Variants in CDH13 observed in about 807,000 individuals in gnomAD.
CDH13 encodes cadherin-13.
Under a neutral mutation model 63.8 loss-of-function variants are expected in CDH13, and 24 were observed. That is an observed-to-expected ratio of 0.38 (90% CI 0.27 to 0.53). The LOEUF (loss-of-function observed/expected upper bound fraction) is 0.53. CDH13 is among the 20% of genes least tolerant of loss of function. The pLI, the probability that CDH13 is intolerant of heterozygous loss-of-function variation, is 0.85. For synonymous variants in CDH13, 503 were observed against 355.3 expected, an observed-to-expected ratio of 1.42 and a Z score of -4.67; for missense variants, 1,049 against 903.1, an observed-to-expected ratio of 1.16 and a Z score of -2.07.
chr16:83,739,325 T>A (rs1345973124), intron 10 of CDH13, among the ~76,000 whole-genome samples: 1 of 151,128 alleles, frequency 6.6e-6, no homozygotes, highest in African/African-American at 2.4e-5. Flanking sequence ...ACATATGTTG[T>A]CACAACTTGC....
At position 83,258,097 on chromosome 16, in the gene CDH13, C is replaced by G. The variant is rs554734628; in HGVS notation, c.636+40600C>G. ...ATAAATTAAACTGAGTCTTTATAAG[C>G]AAGTATAAATTAGTGGTTATTTGGG... On this transcript the variant is annotated intron_variant, in intron 5 of 13. Coordinates refer to ENST00000567109, the MANE Select transcript of CDH13 (RefSeq NM_001257.5). Among the ~76,000 whole-genome samples, 4 of 152,266 alleles carry G rather than the reference C, an allele frequency of 2.6e-5. No individual in the cohort carries two copies. In the East Asian group the frequency reaches 7.7e-4, roughly 29 times the overall value.
intron 3 of CDH13, among the ~76,000 whole-genome samples, chr16:83,089,374 T>C (rs889706347): frequency 1.5e-4 from 23 of 152,350 alleles, no homozygotes; most frequent in African/African-American, 5.0e-4. Context: ...ATGCACCTAT[T>C]GTGTGGCAGG....
rs989093886 is a variant in CDH13, at chr16:83,298,361, A to G, written c.637-46501A>G. ...ATTTTTCTTAGAATGAAACCAAGCC[A>G]GCAAGAATAATAACTTTTGAAAGCA... On this transcript the variant is annotated intron_variant, in intron 5 of 13. Coordinates refer to ENST00000567109, the MANE Select transcript of CDH13 (RefSeq NM_001257.5). Among the ~76,000 whole-genome samples the G allele has an allele frequency of 4.6e-5, 7 of 152,228 alleles. No homozygotes were observed. In the East Asian group the frequency reaches 1.3e-3, roughly 29 times the overall value.
chr16:82,702,096 C>T (rs1017421367), intron 1 of CDH13, among the ~76,000 whole-genome samples: 4 of 152,186 alleles, frequency 2.6e-5, no homozygotes, highest in African/African-American at 9.7e-5. Flanking sequence ...TGCGAAGAAC[C>T]AGAGTCCCCT....
Position 83,701,233 on chromosome 16 carries a change from T to A in CDH13, c.1538+22772T>A, listed in dbSNP as rs563351796. Among the ~76,000 whole-genome samples the A allele has an allele frequency of 3.9e-5, 6 of 152,284 alleles. No homozygotes were observed. In the East Asian group the frequency reaches 1.2e-3, roughly 29 times the overall value. ...ATAAAACTCTCAGTCCCTGAAAAGA[T>A]GAGAGACTCAGTGTCAGGATGTTTA... On this transcript the variant is annotated intron_variant, in intron 10 of 13. Coordinates refer to ENST00000567109, the MANE Select transcript of CDH13 (RefSeq NM_001257.5).
chr16:83,255,705 C>G (rs945321810), intron 5 of CDH13, among the ~76,000 whole-genome samples: 1 of 152,148 alleles, frequency 6.6e-6, no homozygotes, highest in African/African-American at 2.4e-5. Context: ...TTATTATGCT[C>G]TTTTCAATAT....
At chr16:83,075,722 A>G (rs2032787482) in intron 3 of CDH13, among the ~76,000 whole-genome samples, 1 of 152,174 alleles carries the variant, frequency 6.6e-6, no homozygotes, top group Non-Finnish European at 1.5e-5. Context: ...TCCAATAGAG[A>G]CATATCAATC....
At chr16:82,865,664 G>A (rs2040106824) in intron 2 of CDH13, among the ~76,000 whole-genome samples, 1 of 152,352 alleles carries the variant, frequency 6.6e-6, no homozygotes, top group South Asian at 2.1e-4. Context: ...GGGAAGGGCT[G>A]CCTTGAAGAC....
chr16:83,041,989 T>A (rs184959664), intron 3 of CDH13, among the ~76,000 whole-genome samples: 4 of 152,310 alleles, frequency 2.6e-5, no homozygotes, highest in Admixed American at 2.0e-4. Context: ...ATCTCACACG[T>A]TCTAGACAAA....
At chr16:83,216,443 T>TATATATATATATATACAC (rs1472700247) in intron 4 of CDH13, among the ~76,000 whole-genome samples, 4 of 93,434 alleles carry the variant, frequency 4.3e-5, no homozygotes, top group Admixed American at 1.2e-4. Context: ...TATATATATA[T>TATATATATATATATACAC]ACACAACCCT....
At chr16:82,736,022 A>C (rs1322793018) in intron 1 of CDH13, among the ~76,000 whole-genome samples, 1 of 152,232 alleles carries the variant, frequency 6.6e-6, no homozygotes, top group Non-Finnish European at 1.5e-5. Context: ...AACCTGCAAG[A>C]GTAAAAAGAG....
intron 2 of CDH13, among the ~76,000 whole-genome samples, chr16:82,978,530 C>G (rs1479204015): frequency 6.6e-6 from 1 of 152,242 alleles, no homozygotes; most frequent in Non-Finnish European, 1.5e-5. Context: ...GTCCCAGCCA[C>G]TACAGCCATA....
chr16:83,376,819 A>C (rs1438061101), intron 6 of CDH13, among the ~76,000 whole-genome samples: 1 of 152,182 alleles, frequency 6.6e-6, no homozygotes, highest in African/African-American at 2.4e-5. Flanking sequence ...CAATATGTAG[A>C]AGTGACACTC....
At chr16:83,651,190 T>G (rs1912341191) in intron 8 of CDH13, among the ~76,000 whole-genome samples, 2 of 152,180 alleles carry the variant, frequency 1.3e-5, no homozygotes, top group African/African-American at 4.8e-5. Flanking sequence ...AAGGGGACTT[T>G]CTATTGGTAG....
rs1917921287 is a variant in CDH13 at position 83,047,621 on chromosome 16, C to T, written c.366+15403C>T. On this transcript the variant is annotated intron_variant, in intron 3 of 13. Coordinates refer to ENST00000567109, the MANE Select transcript of CDH13 (RefSeq NM_001257.5). The surrounding 1 kb of genome is among the most constrained non-coding windows in gnomAD (Gnocchi z 4.9). ...TTCTGCATAAATAAAATAATATGCT[C>T]CATAATGGCAGAGATTTGACTGACT... Among the ~76,000 whole-genome samples, 1 of 152,156 alleles carries T rather than the reference C, an allele frequency of 6.6e-6. No individual in the cohort carries two copies. The highest frequency in any genetic ancestry group is 2.4e-5 in the African/African-American group (1 of 41,442).
chr16:83,773,978 G>C (rs1482452468), intron 11 of CDH13, among the ~76,000 whole-genome samples: 1 of 152,084 alleles, frequency 6.6e-6, no homozygotes, highest in East Asian at 1.9e-4. Context: ...GGAAGACGAG[G>C]CCTCAGCTCT....
At chr16:83,366,954 A>G (rs1037116802) in intron 6 of CDH13, among the ~76,000 whole-genome samples, 1 of 152,142 alleles carries the variant, frequency 6.6e-6, no homozygotes, top group African/African-American at 2.4e-5. Flanking sequence ...TTTTTGGCAT[A>G]TAACAGCTTA....
At chr16:82,930,519 A>G (rs1345759407) in intron 2 of CDH13, among the ~76,000 whole-genome samples, 5 of 152,170 alleles carry the variant, frequency 3.3e-5, no homozygotes, top group African/African-American at 1.2e-4. Flanking sequence ...ATATAGATAC[A>G]TATCTAATTT....
At chr16:82,999,632 G>T (rs1451808850) in intron 2 of CDH13, among the ~76,000 whole-genome samples, 1 of 152,054 alleles carries the variant, frequency 6.6e-6, no homozygotes, top group Non-Finnish European at 1.5e-5. Context: ...GATATCATTG[G>T]CTACATAAAA....
Sources: gnomAD v4.1 joint callset for allele counts (sites outside exome capture counted in the v4.1 genomes callset) on GRCh38, gnomAD v4.1.1 for gene constraint, Gnocchi (gnomAD v3.1) non-coding constraint, MANE v1.5 for transcripts, NCBI Gene and HGNC (gene_info 2026-07-23, HGNC 2026-07-21) for gene names.